TRIM37: variants seen among roughly 807,000 people sequenced by gnomAD.
TRIM37 encodes the protein tripartite motif containing 37.
TRIM37 carries 80 observed loss-of-function variants against 129.8 expected under a neutral mutation model. That is an observed-to-expected ratio of 0.62 (90% CI 0.51 to 0.74). The LOEUF is 0.74. Ranked by LOEUF, TRIM37 falls within the 30% of genes least tolerant of loss-of-function variation. The pLI is 0.00. For missense variants in TRIM37, 1,054 were observed against 1,176.5 expected, an observed-to-expected ratio of 0.90 and a Z score of 1.52; for synonymous variants, 389 against 387.1, an observed-to-expected ratio of 1.00 and a Z score of -0.06.
chr17:59,046,817 G>A (rs2039861415), intron 16 of TRIM37, among the ~76,000 whole-genome samples: 1 of 150,922 alleles, frequency 6.6e-6, no homozygotes, highest in Admixed American at 6.6e-5. Flanking sequence ...TGGGATTACA[G>A]GCGTGAGCCA....
At chr17:59,059,119 C>T (rs990346077) in intron 12 of TRIM37, 4 of 152,180 alleles carry the variant, frequency 2.6e-5, no homozygotes, top group African/African-American at 9.7e-5. Context: ...CACCTGTAAT[C>T]CCAGCATTTT....
rs373227659 is a variant in TRIM37, at chr17:59,024,947, T to C, written c.2257+3468A>G. 5.3e-5 allele frequency among the ~76,000 whole-genome samples: 8 copies of C among 152,330 alleles called. No individual in the cohort carries two copies. The East Asian group carries it at 1.3e-3, about 26-fold the overall frequency. ...AGAACAGAATAAACATATCCTATCA[T>C]AGTATTACAAACTATAAAACTACAG... On this transcript the variant is annotated intron_variant, in intron 19 of 23. Coordinates refer to ENST00000262294, the MANE Select transcript of TRIM37 (RefSeq NM_015294.6).
At chr17:59,086,346 T>G (rs143365918) in intron 4 of TRIM37, among the ~76,000 whole-genome samples, 2 of 152,076 alleles carry the variant, frequency 1.3e-5, no homozygotes, top group East Asian at 1.9e-4. Flanking sequence ...CAAGCAATTC[T>G]TGCTGCCTCA....
intron 24 of TRIM37, among the ~76,000 whole-genome samples, chr17:58,985,814 C>T (rs2031752509): frequency 6.6e-6 from 1 of 152,102 alleles, no homozygotes; most frequent in African/African-American, 2.4e-5. Context: ...ACTCCTAATT[C>T]CCTAAATTCA....
At chr17:59,038,120 G>T (rs1415193813) in intron 17 of TRIM37, among the ~76,000 whole-genome samples, 1 of 152,094 alleles carries the variant, frequency 6.6e-6, no homozygotes, top group Non-Finnish European at 1.5e-5. Context: ...CACCTGGGTA[G>T]GTAATGTTTG....
At chr17:59,025,009 C>T (rs1057353971) in intron 19 of TRIM37, among the ~76,000 whole-genome samples, 3 of 152,174 alleles carry the variant, frequency 2.0e-5, no homozygotes, top group Non-Finnish European at 2.9e-5. Flanking sequence ...GAGGACATGA[C>T]AAATACTGGG....
rs1410313046 is a variant in TRIM37 at position 59,061,147 on chromosome 17, A to C, written c.943-39T>G. On this transcript the variant is annotated intron_variant, in intron 11 of 23. Coordinates refer to ENST00000262294, the MANE Select transcript of TRIM37 (RefSeq NM_015294.6). Reference sequence around the variant, plus strand: ...AATCAGTTTGAGTGTAAAAAAATTAAGCCACAATAAAACAAAATGCAGATA... The same window carrying C: ...AATCAGTTTGAGTGTAAAAAAATTACGCCACAATAAAACAAAATGCAGATA... 1.9e-6 allele frequency: 3 copies of C among 1,560,412 alleles called. No homozygotes were observed. The African/African-American group carries it at 4.1e-5, about 21-fold the overall frequency.
At chr17:59,081,862 G>A (rs1033578222) in intron 5 of TRIM37, among the ~76,000 whole-genome samples, 3 of 148,386 alleles carry the variant, frequency 2.0e-5, no homozygotes, top group Non-Finnish European at 3.0e-5. Context: ...AGCTGTGATC[G>A]GGCCACTGTA....
chr17:59,011,573 C>G (rs2035260549), intron 22 of TRIM37, among the ~76,000 whole-genome samples: 1 of 152,206 alleles, frequency 6.6e-6, no homozygotes, highest in Non-Finnish European at 1.5e-5. Flanking sequence ...AGTTGACATT[C>G]TTTTCTACCA....
chr17:58,967,770 G>A, the TRIM37 span, among the ~76,000 whole-genome samples: 2 of 150,678 alleles, frequency 1.3e-5, no homozygotes, highest in Non-Finnish European at 3.0e-5. Context: ...CTTTAGTAGG[G>A]ATAGAAATTC....
intron 2 of TRIM37, among the ~76,000 whole-genome samples, chr17:59,098,896 T>A (rs1199685824): frequency 6.6e-6 from 1 of 151,854 alleles, no homozygotes; most frequent in Non-Finnish European, 1.5e-5. Context: ...TAAAAATGGA[T>A]AAATAGGCTA....
At chr17:58,996,025 T>A (rs1224063564), downstream of TRIM37, among the ~76,000 whole-genome samples, 1 of 151,772 alleles carries the variant, frequency 6.6e-6, no homozygotes, top group South Asian at 2.1e-4. Flanking sequence ...TAATAATAAT[T>A]AATAGAAACA....
At chr17:59,096,557 A>C (rs1300507204) in intron 2 of TRIM37, among the ~76,000 whole-genome samples, 1 of 141,448 alleles carries the variant, frequency 7.1e-6, no homozygotes, top group African/African-American at 2.5e-5. Flanking sequence ...CTCAAAAAAA[A>C]AAAAACAAAA....
At chr17:58,996,449 G>A (rs1183922225), downstream of TRIM37, among the ~76,000 whole-genome samples, 2 of 145,902 alleles carry the variant, frequency 1.4e-5, no homozygotes, top group African/African-American at 2.6e-5. Context: ...CAGCCTGGCC[G>A]ACAGAGTGAG....
intron 13 of TRIM37, among the ~76,000 whole-genome samples, chr17:59,052,784 G>C (rs570159118): frequency 6.6e-6 from 1 of 151,918 alleles, no homozygotes. Context: ...GTGAAACCCC[G>C]TCTCTACTAA....
intron 18 of TRIM37, among the ~76,000 whole-genome samples, chr17:59,030,418 T>C (rs1452474122): frequency 6.6e-6 from 1 of 152,234 alleles, no homozygotes; most frequent in Non-Finnish European, 1.5e-5. Flanking sequence ...CAGTTCTTAA[T>C]TTTTAGCTGT....
chr17:59,047,571 A>C, intron 16 of TRIM37, 112 bp downstream of exon 16: 2 of 1,093,912 alleles, frequency 1.8e-6, no homozygotes, highest in South Asian at 2.8e-5. Flanking sequence ...CTGACTATTG[A>C]TTCAATCTTT....
downstream of TRIM37, among the ~76,000 whole-genome samples, chr17:58,997,920 G>A (rs989805201): frequency 2.0e-5 from 3 of 152,114 alleles, no homozygotes; most frequent in Non-Finnish European, 4.4e-5. Context: ...GGAACTCAGA[G>A]CAGCTTTAGT....
intron 22 of TRIM37, among the ~76,000 whole-genome samples, chr17:59,006,285 C>T (rs2034471605): frequency 6.6e-6 from 1 of 152,138 alleles, no homozygotes; most frequent in African/African-American, 2.4e-5. Context: ...TTGTAAGGAG[C>T]TTCAGAGATT....
Sources: allele counts gnomAD v4.1 joint callset (sites outside exome capture counted in the v4.1 genomes callset), GRCh38; gene constraint gnomAD v4.1.1; transcripts MANE v1.5; gene names NCBI Gene and HGNC (gene_info 2026-07-23, HGNC 2026-07-21).